Variants in RIMS2 observed in about 807,000 individuals in gnomAD.
The protein encoded by RIMS2 is regulating synaptic membrane exocytosis 2, also known as regulating synaptic membrane exocytosis protein 2.
A neutral mutation model predicts 174.4 loss-of-function variants in RIMS2; 59 were observed. That is an observed-to-expected ratio of 0.34 (90% CI 0.27 to 0.42). The LOEUF is 0.42. Ranked by LOEUF, RIMS2 falls within the 10% of genes least tolerant of loss-of-function variation. The pLI is 1.00. For missense variants in RIMS2, 1,620 were observed against 1,666.3 expected (o/e 0.97, Z 0.48); for synonymous variants, 606 against 572.5 (o/e 1.06, Z -0.84).
At chr8:103,730,884 A>G (rs2097583903) in intron 2 of RIMS2, among the ~76,000 whole-genome samples, 1 of 152,196 alleles carries the variant, frequency 6.6e-6, no homozygotes, top group South Asian at 2.1e-4. Flanking sequence ...ATAAATGCAT[A>G]TCCGAGACTG....
chr8:103,523,512 G>C (rs962348066), intron 1 of RIMS2, among the ~76,000 whole-genome samples: 1 of 152,138 alleles, frequency 6.6e-6, no homozygotes, highest in African/African-American at 2.4e-5. Context: ...TGGACCAGTA[G>C]GTTGGGGCAG....
chr8:103,798,554 C>A (rs1364720995), intron 3 of RIMS2, among the ~76,000 whole-genome samples: 10 of 152,168 alleles, frequency 6.6e-5, no homozygotes, highest in Admixed American at 2.6e-4. Flanking sequence ...TATGGCACTT[C>A]GGTGATTTGT....
chr8:103,618,120 A>G (rs895092574), intron 1 of RIMS2, among the ~76,000 whole-genome samples: 1 of 152,170 alleles, frequency 6.6e-6, no homozygotes. Context: ...AGATAAAGAA[A>G]ATGTGGTACA....
At chr8:103,978,734 A>G (rs919767297) in intron 16 of RIMS2, among the ~76,000 whole-genome samples, 16 of 152,248 alleles carry the variant, frequency 1.1e-4, no homozygotes, top group Non-Finnish European at 2.2e-4. Context: ...AGAAAGAAAT[A>G]AACAATTGTA....
At chr8:104,148,398 C>T (rs1394841065) in intron 19 of RIMS2, among the ~76,000 whole-genome samples, 1 of 152,014 alleles carries the variant, frequency 6.6e-6, no homozygotes, top group African/African-American at 2.4e-5. Flanking sequence ...GAAATAAAAT[C>T]ATAAATCTGA....
chr8:103,554,487 T>A (rs1199765717), intron 1 of RIMS2, among the ~76,000 whole-genome samples: 1 of 152,150 alleles, frequency 6.6e-6, no homozygotes, highest in African/African-American at 2.4e-5. Context: ...CATGATGAGA[T>A]ACCATCTCAC....
chr8:104,069,886 A>G (rs1353919847), intron 19 of RIMS2, among the ~76,000 whole-genome samples: 1 of 152,214 alleles, frequency 6.6e-6, no homozygotes, highest in Non-Finnish European at 1.5e-5. Context: ...AAGATTTAAT[A>G]AAAGAATTAA....
intron 19 of RIMS2, among the ~76,000 whole-genome samples, chr8:104,204,670 G>A (rs577304143): frequency 2.0e-5 from 3 of 152,106 alleles, no homozygotes; most frequent in Non-Finnish European, 4.4e-5. Context: ...GACATTTTTA[G>A]CAAATCTATG....
chr8:103,739,153 G>C (rs1405641040), intron 2 of RIMS2, among the ~76,000 whole-genome samples: 1 of 152,146 alleles, frequency 6.6e-6, no homozygotes, highest in Non-Finnish European at 1.5e-5. Flanking sequence ...TGATAGACTG[G>C]ATTAAGAAAA....
chr8:104,229,862 A>T (rs868649679), intron 19 of RIMS2, among the ~76,000 whole-genome samples: 9 of 152,240 alleles, frequency 5.9e-5, no homozygotes, highest in South Asian at 2.1e-4. Flanking sequence ...TTTAGTCACC[A>T]AAAATGCATT....
intron 4 of RIMS2, among the ~76,000 whole-genome samples, chr8:103,898,202 A>T (rs2099302000): frequency 6.6e-6 from 1 of 151,632 alleles, no homozygotes; most frequent in African/African-American, 2.4e-5. Context: ...AAGACTTCAA[A>T]TATAATTACT....
Position 103,642,001 on chromosome 8 carries a change from GA to G in RIMS2, c.177-55084del, listed in dbSNP as rs1479344938. On this transcript the variant is annotated intron_variant, in intron 1 of 23. Transcript: ENST00000504942. ...GTGTCTTTTTGTTTTCATCCATTCT[GA>G]TATTCTCTGCTTTTTAATTGGCATA... 5.5e-5 allele frequency among the ~76,000 whole-genome samples: 8 copies of G among 145,344 alleles called. No homozygotes were observed. The Admixed American group carries it at 5.5e-4, about 10-fold the overall frequency.
intron 1 of RIMS2, among the ~76,000 whole-genome samples, chr8:103,608,847 G>T (rs2095256914): frequency 6.6e-6 from 1 of 152,184 alleles, no homozygotes. Flanking sequence ...GCCCTGCTTT[G>T]GCTCGCGCAC....
intron 19 of RIMS2, among the ~76,000 whole-genome samples, chr8:104,044,334 T>C (rs921257312): frequency 6.6e-6 from 1 of 151,558 alleles, no homozygotes; most frequent in Non-Finnish European, 1.5e-5. Context: ...ATGAACCATG[T>C]AATTTAGTAG....
At chr8:103,922,521 T>G (rs903333698) in intron 10 of RIMS2, among the ~76,000 whole-genome samples, 7 of 151,874 alleles carry the variant, frequency 4.6e-5, no homozygotes, top group African/African-American at 1.7e-4. Context: ...TGTTATATAT[T>G]AGAAAAATAC....
intron 1 of RIMS2, among the ~76,000 whole-genome samples, chr8:103,609,952 C>T (rs949382956): frequency 6.6e-6 from 1 of 152,072 alleles, no homozygotes; most frequent in Non-Finnish European, 1.5e-5. Context: ...ATTGATTATT[C>T]CCATCCATGA....
At chr8:103,806,453 T>A (rs1592828200) in intron 3 of RIMS2, among the ~76,000 whole-genome samples, 1 of 152,274 alleles carries the variant, frequency 6.6e-6, no homozygotes, top group Non-Finnish European at 1.5e-5. Context: ...TCACAAGCTC[T>A]AGGTACTAGT....
chr8:104,171,555 A>T lies in RIMS2; in HGVS notation c.3335-73361A>T, dbSNP rs181937258. Among the ~76,000 whole-genome samples the T allele has an allele frequency of 3.5e-3, 532 of 152,010 alleles. 1 individual carries two copies. Among genetic ancestry groups the T allele is most frequent in the Middle Eastern group, 0.014 (4 of 294 alleles). On this transcript the variant is annotated intron_variant, in intron 19 of 23. Transcript: ENST00000504942. Reference sequence around the variant, plus strand: ...TTTTTCATTTGTATCCTGGATTTTTAAAAAATTTCTTTAATTTTGTTTTCA... The same window carrying T: ...TTTTTCATTTGTATCCTGGATTTTTTAAAAATTTCTTTAATTTTGTTTTCA...
chr8:103,853,943 T>C (rs2099013037), intron 3 of RIMS2, among the ~76,000 whole-genome samples: 1 of 152,112 alleles, frequency 6.6e-6, no homozygotes, highest in African/African-American at 2.4e-5. Flanking sequence ...GGTAGTTTGG[T>C]AGGAATTTCA....
Sources: allele counts gnomAD v4.1 joint callset (sites outside exome capture counted in the v4.1 genomes callset), GRCh38; gene constraint gnomAD v4.1.1; transcripts MANE v1.5; gene names NCBI Gene and HGNC (gene_info 2026-07-23, HGNC 2026-07-21).